Variants in SLC7A5 observed in about 807,000 individuals in gnomAD.
SLC7A5 encodes large neutral amino acids transporter small subunit 1.
Under a neutral mutation model 50.2 loss-of-function variants are expected in SLC7A5, and 23 were observed. The observed-to-expected ratio is 0.46, with a 90% confidence interval of 0.33 to 0.65. The LOEUF (loss-of-function observed/expected upper bound fraction) is 0.65, where lower values mean the gene tolerates loss of function less well. Ranked by LOEUF, SLC7A5 falls within the 30% of genes least tolerant of loss-of-function variation. SLC7A5 has a pLI of 0.02. For synonymous variants in SLC7A5, 393 were observed against 330.6 expected (o/e 1.19, Z -2.05); for missense variants, 578 against 684.4 (o/e 0.84, Z 1.73).
intron 2 of SLC7A5, among the ~76,000 whole-genome samples, chr16:87,849,762 G>C (rs112111720): frequency 2.0e-5 from 3 of 152,224 alleles, no homozygotes; most frequent in African/African-American, 7.2e-5. Flanking sequence ...TCAGAATTGG[G>C]ACTTCCTGCC....
At chr16:87,850,507 T>G (rs902175129) in intron 2 of SLC7A5, among the ~76,000 whole-genome samples, 4 of 152,198 alleles carry the variant, frequency 2.6e-5, no homozygotes, top group Non-Finnish European at 5.9e-5. Context: ...CACCAGAGCG[T>G]GCATCCGCCG....
chr16:87,837,834 A>G lies in SLC7A5; in HGVS notation c.1140+11T>C, dbSNP rs372256995. ...AGGGATGTAGGGCACAGGGCCGTGC[A>G]GCAGGCTTACCGTGAACACGAGGGA... is the stretch of plus-strand genomic sequence containing the variant. On this transcript the variant is annotated intron_variant, in intron 7 of 9. Coordinates refer to ENST00000261622, the MANE Select transcript of SLC7A5 (RefSeq NM_003486.7). 3 of 1,597,376 alleles carry G rather than the reference A, an allele frequency of 1.9e-6. No homozygotes were observed. Among genetic ancestry groups the G allele is most frequent in the Non-Finnish European group, 2.6e-6 (3 of 1,173,200 alleles).
intron 1 of SLC7A5, among the ~76,000 whole-genome samples, chr16:87,858,698 G>A (rs557952772): frequency 6.6e-6 from 1 of 152,170 alleles, no homozygotes; most frequent in East Asian, 1.9e-4. Flanking sequence ...TTTCAATCCC[G>A]GCTGTCAAAG....
chr16:87,832,930 C>G lies in SLC7A5; in HGVS notation c.*40G>C, dbSNP rs371881159. ...CGAGGAGGTGATCTACTTTAACTGG[C>G]CTCTGCGCATGCTCCTCCGGCAGCC... On this transcript the variant is annotated 3_prime_UTR_variant, in exon 10 of 10. Transcript: ENST00000261622. The surrounding 1 kb of genome is among the most constrained non-coding windows in gnomAD (Gnocchi z 4.6). 2 of 1,558,964 alleles carry G rather than the reference C, an allele frequency of 1.3e-6. No homozygotes were observed. Among genetic ancestry groups the G allele is most frequent in the South Asian group, 2.2e-5 (2 of 89,934 alleles).
chr16:87,835,675 C>G (rs140338295), intron 8 of SLC7A5, among the ~76,000 whole-genome samples: 2 of 152,094 alleles, frequency 1.3e-5, no homozygotes, highest in Admixed American at 6.5e-5. Context: ...GGGGTTTCAC[C>G]GTGTTAGCCA....
At chr16:87,839,594 C>G in intron 5 of SLC7A5, 108 bp downstream of exon 5, 3 of 1,548,276 alleles carry the variant, frequency 1.9e-6, no homozygotes, top group East Asian at 4.5e-5. Flanking sequence ...GCGGGGCCCC[C>G]TCTGCGTAGG....
At chr16:87,839,238 A>G (rs4843713) in intron 5 of SLC7A5, among the ~76,000 whole-genome samples, 108,234 of 152,114 alleles carry the variant, frequency 0.71, 39,578 homozygotes, top group African/African-American at 0.85. Context: ...GCAGTGGGAG[A>G]AGCCTCGGGA....
intron 1 of SLC7A5, among the ~76,000 whole-genome samples, chr16:87,854,417 T>A (rs982896584): frequency 6.6e-6 from 1 of 152,204 alleles, no homozygotes; most frequent in Non-Finnish European, 1.5e-5. Flanking sequence ...CTTAAACAAA[T>A]ACATGAATTC....
chr16:87,854,814 CCTGG>C (rs1339195027), intron 1 of SLC7A5, among the ~76,000 whole-genome samples: 1 of 152,262 alleles, frequency 6.6e-6, no homozygotes, highest in South Asian at 2.1e-4. Context: ...CTGCCTCCCA[CCTGG>C]CTGGCTGGCA....
At chr16:87,865,771 T>A (rs1425663818) in intron 1 of SLC7A5, among the ~76,000 whole-genome samples, 1 of 152,102 alleles carries the variant, frequency 6.6e-6, no homozygotes, top group Non-Finnish European at 1.5e-5. Context: ...ACAAAATAAA[T>A]CCAGGAACGC....
intron 4 of SLC7A5, among the ~76,000 whole-genome samples, 180 bp from the exon 5 acceptor site, chr16:87,840,005 G>C (rs945463838): frequency 6.6e-6 from 1 of 152,210 alleles, no homozygotes; most frequent in Non-Finnish European, 1.5e-5. Context: ...TGCCTGGAGC[G>C]GGACACTGCA....
chr16:87,867,598 C>T (rs374847350), intron 1 of SLC7A5, among the ~76,000 whole-genome samples: 1 of 152,114 alleles, frequency 6.6e-6, no homozygotes, highest in African/African-American at 2.4e-5. Context: ...AAAACAGCGC[C>T]AACAGGTCCT....
At chr16:87,867,275 T>C (rs980598491) in intron 1 of SLC7A5, among the ~76,000 whole-genome samples, 3 of 152,188 alleles carry the variant, frequency 2.0e-5, no homozygotes, top group Admixed American at 2.0e-4. Flanking sequence ...CTACTATCCA[T>C]GTCGTTACAT....
At chr16:87,847,376 C>T (rs1338473108) in intron 2 of SLC7A5, among the ~76,000 whole-genome samples, 3 of 152,166 alleles carry the variant, frequency 2.0e-5, no homozygotes, top group Admixed American at 6.5e-5. Flanking sequence ...AAGACAGGGC[C>T]GCACACCCCC....
At chr16:87,839,657 A>T in intron 5 of SLC7A5, 45 bp downstream of exon 5, 1 of 1,611,264 alleles carries the variant, frequency 6.2e-7, no homozygotes, top group South Asian at 1.1e-5. Flanking sequence ...CGGGCTGGCC[A>T]CAGCCTCTCA....
chr16:87,841,931 G>C lies in SLC7A5; in HGVS notation c.665-776C>G, dbSNP rs147867595. On this transcript the variant is annotated intron_variant, in intron 2 of 9. Transcript: ENST00000261622. This position sits in a 1 kb window ranked among gnomAD's most constrained non-coding sequence, Gnocchi z 4.8. ...ATTCACAGGTTCCCCAGGAGGACAT[G>C]TCTTTTGGGGGAAGGGGTGTCTCCG... Among the ~76,000 whole-genome samples the C allele has an allele frequency of 6.6e-6, 1 of 152,366 alleles. No individual in the cohort carries two copies. The highest frequency in any genetic ancestry group is 6.5e-5 in the Admixed American group (1 of 15,310).
chr16:87,845,411 T>TGCCCACCCCACAGAGTCCAC lies in SLC7A5; in HGVS notation c.665-4276_665-4257dup, dbSNP rs1567492901. ...AGTCCAGAGCCCAGGCCAGAGTCCATGCCCACCCCACAGAGTCCACGCCCA... is the reference window on the plus strand; with the variant it reads ...AGTCCAGAGCCCAGGCCAGAGTCCATGCCCACCCCACAGAGTCCACGCCCACCCCACAGAGTCCACGCCCA... On this transcript the variant is annotated intron_variant, in intron 2 of 9. Transcript: ENST00000261622. Among the ~76,000 whole-genome samples the TGCCCACCCCACAGAGTCCAC allele has an allele frequency of 4.8e-4, 65 of 136,506 alleles. 1 individual carries two copies. Among genetic ancestry groups the TGCCCACCCCACAGAGTCCAC allele is most frequent in the African/African-American group, 1.7e-3 (58 of 33,792 alleles). 89.6% of individuals were successfully genotyped at this position (136,506 alleles called of 152,430 possible).
chr16:87,856,352 G>C (rs2055320137), intron 1 of SLC7A5, among the ~76,000 whole-genome samples: 3 of 152,232 alleles, frequency 2.0e-5, no homozygotes, highest in Admixed American at 2.0e-4. Context: ...AGAACTGCCT[G>C]CTGGAGACAG....
chr16:87,856,773 C>T (rs1305759791), intron 1 of SLC7A5, among the ~76,000 whole-genome samples: 2 of 152,174 alleles, frequency 1.3e-5, no homozygotes, highest in African/African-American at 4.8e-5. Flanking sequence ...GAGTACAAGC[C>T]TCCACCTTCT....
Sources: gnomAD v4.1 joint callset for allele counts (sites outside exome capture counted in the v4.1 genomes callset) on GRCh38, gnomAD v4.1.1 for gene constraint, Gnocchi (gnomAD v3.1) non-coding constraint, MANE v1.5 for transcripts, NCBI Gene and HGNC (gene_info 2026-07-23, HGNC 2026-07-21) for gene names.